The following OXR1 variants were observed in gnomAD, a reference collection of about 807,000 sequenced individuals.
OXR1 encodes the protein oxidation resistance protein 1.
A neutral mutation model predicts 104.6 loss-of-function variants in OXR1; 41 were observed. The ratio of observed to expected loss-of-function variants is 0.39; its 90% CI spans 0.31 to 0.51. The LOEUF (loss-of-function observed/expected upper bound fraction) is 0.51. OXR1 is among the 20% of genes least tolerant of loss of function. OXR1 has a pLI of 0.77. For missense variants in OXR1, 955 were observed against 1,031.9 expected, an observed-to-expected ratio of 0.93 and a Z score of 1.02; for synonymous variants, 348 against 348.4, an observed-to-expected ratio of 1.00 and a Z score of 0.01.
intron 3 of OXR1, among the ~76,000 whole-genome samples, chr8:106,521,666 C>T (rs1374171896): frequency 6.6e-6 from 1 of 152,142 alleles, no homozygotes; most frequent in Non-Finnish European, 1.5e-5. Flanking sequence ...GCACATGCCA[C>T]TATGCCCTGC....
intron 11 of OXR1, among the ~76,000 whole-genome samples, chr8:106,715,716 G>C (rs1278780542): frequency 3.3e-5 from 5 of 152,094 alleles, no homozygotes; most frequent in Non-Finnish European, 7.4e-5. Context: ...CGGGAATTGA[G>C]AGCTTTCTCT....
intron 11 of OXR1, among the ~76,000 whole-genome samples, chr8:106,728,901 C>T (rs1206683365): frequency 2.0e-5 from 3 of 151,978 alleles, no homozygotes; most frequent in Admixed American, 2.0e-4. Flanking sequence ...TAGTTTAGGC[C>T]GTCATATATG....
At chr8:106,348,975 A>T (rs1306229335) in intron 1 of OXR1, among the ~76,000 whole-genome samples, 3 of 152,194 alleles carry the variant, frequency 2.0e-5, no homozygotes, top group Admixed American at 6.5e-5. Flanking sequence ...ATAAAATTAC[A>T]TTGTAATATG....
chr8:106,460,148 G>C (rs1041412691), intron 2 of OXR1, among the ~76,000 whole-genome samples: 5 of 152,144 alleles, frequency 3.3e-5, no homozygotes, highest in Non-Finnish European at 5.9e-5. Flanking sequence ...TGCTACTCAC[G>C]TTAAATTTAC....
intron 2 of OXR1, among the ~76,000 whole-genome samples, chr8:106,376,106 C>T (rs1191791098): frequency 6.6e-6 from 1 of 152,212 alleles, no homozygotes; most frequent in Non-Finnish European, 1.5e-5. Flanking sequence ...ACCTCAGTCT[C>T]TGTATACCGA....
At chr8:106,408,145 G>A (rs866440057) in intron 2 of OXR1, among the ~76,000 whole-genome samples, 12 of 152,102 alleles carry the variant, frequency 7.9e-5, no homozygotes, top group Non-Finnish European at 1.5e-4. Context: ...CCCAAATAGC[G>A]TTGCTCTTGA....
At chr8:106,676,706 C>T (rs1827630000) in intron 3 of OXR1, among the ~76,000 whole-genome samples, 1 of 151,938 alleles carries the variant, frequency 6.6e-6, no homozygotes, top group Admixed American at 6.6e-5. Context: ...GCCTTTTTCT[C>T]TAGCTGCTCT....
At chr8:106,621,322 A>G (rs956799310) in intron 3 of OXR1, among the ~76,000 whole-genome samples, 35 of 152,136 alleles carry the variant, frequency 2.3e-4, no homozygotes, top group Non-Finnish European at 4.1e-4. Context: ...GTGGTTGTGC[A>G]TGCCTGTAGT....
At chr8:106,496,749 A>G (rs1017956381) in intron 2 of OXR1, among the ~76,000 whole-genome samples, 1 of 152,256 alleles carries the variant, frequency 6.6e-6, no homozygotes, top group Non-Finnish European at 1.5e-5. Flanking sequence ...ATCTCAGAGA[A>G]GATGGTCTGC....
chr8:106,733,536 T>A (rs1384783162), intron 11 of OXR1, among the ~76,000 whole-genome samples: 1 of 152,202 alleles, frequency 6.6e-6, no homozygotes, highest in Non-Finnish European at 1.5e-5. Context: ...CTTTCATCTC[T>A]TAGCATCTCA....
chr8:106,615,195 C>T (rs892747468), intron 3 of OXR1, among the ~76,000 whole-genome samples: 48 of 151,928 alleles, frequency 3.2e-4, no homozygotes, highest in African/African-American at 1.1e-3. Flanking sequence ...TTTGGGAGGC[C>T]GAGGCAGGTA....
At chr8:106,636,209 G>A (rs1383293265) in intron 3 of OXR1, among the ~76,000 whole-genome samples, 1 of 152,080 alleles carries the variant, frequency 6.6e-6, no homozygotes, top group Non-Finnish European at 1.5e-5. Flanking sequence ...GATGTTATGT[G>A]ATCAATAGGA....
chr8:106,617,254 C>A (rs1219004564), intron 3 of OXR1, among the ~76,000 whole-genome samples: 1 of 152,132 alleles, frequency 6.6e-6, no homozygotes, highest in East Asian at 1.9e-4. Context: ...GAAACCCCAT[C>A]TCTACTAAAA....
intron 2 of OXR1, among the ~76,000 whole-genome samples, chr8:106,474,185 T>A (rs888711420): frequency 3.3e-5 from 5 of 151,472 alleles, no homozygotes; most frequent in African/African-American, 1.2e-4. Context: ...GGGTAAATCT[T>A]ATTTCTCAAA....
rs184587655 is a variant in OXR1 at position 106,621,864 on chromosome 8, T to C, written c.221-57346T>C. Among the ~76,000 whole-genome samples the C allele has an allele frequency of 8.2e-4, 125 of 152,300 alleles. 1 individual carries two copies. In the Middle Eastern group the frequency reaches 0.01, roughly 12 times the overall value. ...TCACTTTATTTCCAAAGACCACAAG[T>C]TGTGACTCTGACATGAACATTTAGT... On this transcript the variant is annotated intron_variant, in intron 3 of 16. Coordinates refer to ENST00000517566, the MANE Select transcript of OXR1 (RefSeq NM_001198533.2).
chr8:106,422,372 C>T (rs537732459), intron 2 of OXR1, among the ~76,000 whole-genome samples: 8 of 152,064 alleles, frequency 5.3e-5, no homozygotes, highest in African/African-American at 1.9e-4. Context: ...TCTCTTCAAA[C>T]GTGAAAAAAA....
intron 1 of OXR1, among the ~76,000 whole-genome samples, chr8:106,296,631 G>A (rs1446438778): frequency 6.6e-6 from 1 of 152,098 alleles, no homozygotes; most frequent in Non-Finnish European, 1.5e-5. Context: ...GAACTCTAGT[G>A]ATCACCTGTT....
chr8:106,320,847 T>A (rs148101279), intron 1 of OXR1, among the ~76,000 whole-genome samples: 1,914 of 152,252 alleles, frequency 0.013, 22 homozygotes, highest in Non-Finnish European at 0.018. Context: ...AATTTTTGTA[T>A]TTTTTGTTGA....
At chr8:106,651,327 C>T (rs780004716) in intron 3 of OXR1, among the ~76,000 whole-genome samples, 3 of 152,098 alleles carry the variant, frequency 2.0e-5, no homozygotes, top group Non-Finnish European at 4.4e-5. Context: ...TCTCTGAGTC[C>T]ACTGCCAATT....
Sources: gnomAD v4.1 joint callset for allele counts (sites outside exome capture counted in the v4.1 genomes callset) on GRCh38, gnomAD v4.1.1 for gene constraint, MANE v1.5 for transcripts, NCBI Gene and HGNC (gene_info 2026-07-23, HGNC 2026-07-21) for gene names.